Variants in HTR3E observed in about 807,000 individuals in gnomAD.
HTR3E encodes the protein 5-hydroxytryptamine (serotonin) receptor 3, family member E.
Under a neutral mutation model 38.0 loss-of-function variants are expected in HTR3E, and 38 were observed. The observed-to-expected ratio is 1.00, with a 90% CI of 0.77 to 1.31. HTR3E has a LOEUF of 1.31. Among genes scored for constraint, HTR3E ranks in the 50% most tolerant of loss-of-function variants. The pLI is 0.00. For missense variants in HTR3E, 547 were observed against 585.2 expected (o/e 0.93, Z 0.67); for synonymous variants, 210 against 232.9 (o/e 0.90, Z 0.89).
chr3:184,101,435 A>G, intron 2 of HTR3E, 50 bp from the exon 3 acceptor site: 1 of 1,525,676 alleles, frequency 6.6e-7, no homozygotes, highest in South Asian at 1.1e-5. Flanking sequence ...GGGGAGATGG[A>G]ACAGACTTCT....
In HTR3E at chr3:184,105,764, G is replaced by A; in HGVS notation, c.721-1G>A. ...CTTACCACCCTCTCCTACCCCACCAGGTGGCCATCAGGCGCAGGCCCAGTC... is the reference window on the plus strand; with the variant it reads ...CTTACCACCCTCTCCTACCCCACCAAGTGGCCATCAGGCGCAGGCCCAGTC... On this transcript the variant is annotated splice_acceptor_variant, in intron 6 of 8. Coordinates refer to ENST00000415389, the MANE Select transcript of HTR3E (RefSeq NM_001256613.2). LOFTEE classifies it high-confidence loss of function. 4 of 1,612,724 alleles carry A rather than the reference G, an allele frequency of 2.5e-6. No homozygotes were observed. The highest frequency in any genetic ancestry group is 3.4e-6 in the Non-Finnish European group (4 of 1,178,788).
At position 184,105,374 on chromosome 3, in the gene HTR3E, G is replaced by GC. The variant is rs556862324; in HGVS notation, c.669dup (p.Thr224HisfsTer12). ...ATGGGAGCTCCTGGGCCTCAGCAAGGCCACCGCAAAGTTGTCCAGGGGAGG... is the reference window on the plus strand; with the variant it reads ...ATGGGAGCTCCTGGGCCTCAGCAAGGCCCACCGCAAAGTTGTCCAGGGGAGG... On this transcript the variant is annotated frameshift_variant, in exon 6 of 9. Transcript: ENST00000415389. LOFTEE classifies it high-confidence loss of function. 2.5e-4 allele frequency: 408 copies of GC among 1,614,122 alleles called. 4 individuals carry two copies. In the South Asian group the frequency reaches 4.2e-3, roughly 17 times the overall value.
At chr3:184,101,658 G>A (rs1577009498) in intron 3 of HTR3E, 129 bp downstream of exon 3, 4 of 810,754 alleles carry the variant, frequency 4.9e-6, no homozygotes, top group South Asian at 1.5e-5. Flanking sequence ...TTGAAAAATC[G>A]ACCATAATGG....
intron 3 of HTR3E, 29 bp downstream of exon 3, chr3:184,101,558 C>T: frequency 6.5e-7 from 1 of 1,546,900 alleles, no homozygotes; most frequent in Non-Finnish European, 8.9e-7. Context: ...TCTCTCCCTA[C>T]AGTTACAGTC....
Position 184,105,836 on chromosome 3 carries a change from C to A in HTR3E, c.792C>A (p.Ile264=). Residue 264 remains isoleucine (I), a synonymous_variant, in exon 7 of 9, where the codon ATC becomes ATA. Transcript: ENST00000415389. ...LLVPSGFLVA[I]DALSFYLPVK... is the part of the protein sequence containing the mutation. ...TGCCCAGTGGCTTTCTGGTTGCCAT[C>A]GATGCCCTCAGCTTCTACCTGCCAG... The A allele has an allele frequency of 6.2e-7, 1 of 1,614,146 alleles. No individual in the cohort carries two copies. Among genetic ancestry groups the A allele is most frequent in the East Asian group, 2.2e-5 (1 of 44,878 alleles).
chr3:184,103,890 A>G (rs1712239183), intron 3 of HTR3E, among the ~76,000 whole-genome samples: 1 of 152,066 alleles, frequency 6.6e-6, no homozygotes, highest in Non-Finnish European at 1.5e-5. Flanking sequence ...AGATAATACA[A>G]TCATCTAACC....
rs146292777 is a variant in HTR3E, at chr3:184,097,902, G to A, written c.67+306G>A. The stretch of plus-strand genomic sequence containing the variant: ...TTTCCCAATACTACTTGAAAAGTCT[G>A]TCTTTTCTCCATTGGTACCCTACAT... On this transcript the variant is annotated intron_variant, in intron 1 of 8. Transcript: ENST00000415389. 3.3e-3 allele frequency among the ~76,000 whole-genome samples: 509 copies of A among 152,284 alleles called. 2 individuals carry two copies. Among genetic ancestry groups the A allele is most frequent in the African/African-American group, 0.012 (494 of 41,548 alleles).
intron 5 of HTR3E, 155 bp from the exon 6 acceptor site, chr3:184,105,112 G>C (rs1031772122): frequency 3.0e-5 from 35 of 1,160,342 alleles, no homozygotes; most frequent in Non-Finnish European, 4.2e-5. Flanking sequence ...ACCCAAGTCT[G>C]TCTTGTTCCT....
rs748668360 is a variant in HTR3E at position 184,100,536 on chromosome 3, C to T, written c.119C>T (p.Ala40Val). ...INCSGFGQHG[A>V]DPTALNSVFN... ...TGCTCAGGGTTTGGCCAGCACGGGG[C>T]GGATCCCACTGCTCTGAATTCAGTG... Residue 40 changes from alanine to valine, a missense_variant, in exon 2 of 9, where the codon GCG becomes GTG. By Grantham distance (64) the Ala-to-Val change is moderately conservative. Transcript: ENST00000415389. The T allele has an allele frequency of 1.9e-6, 3 of 1,614,138 alleles. No individual in the cohort carries two copies. In the South Asian group the frequency reaches 3.3e-5, roughly 18 times the overall value.
chr3:184,103,083 A>C (rs1201119832), intron 3 of HTR3E, among the ~76,000 whole-genome samples: 1 of 152,240 alleles, frequency 6.6e-6, no homozygotes, highest in Non-Finnish European at 1.5e-5. Context: ...TAGTCAAAGC[A>C]TAACCCAGTG....
chr3:184,106,251 T>C lies in HTR3E; in HGVS notation c.1049T>C (p.Leu350Pro), dbSNP rs1712446166. Residue 350 changes from leucine (L) to proline (P), a missense_variant, in exon 8 of 9, where the codon CTG (leucine) becomes CCG (proline). Physicochemically the swap from Leu to Pro is moderately conservative, Grantham distance 98. Coordinates refer to ENST00000415389, the MANE Select transcript of HTR3E (RefSeq NM_001256613.2). The surrounding 1 kb of genome is among the most constrained non-coding windows in gnomAD (Gnocchi z 4.1). ...CCCCTGCCTCGGTGGCTCCACTCCCTGCTGCTCCACTGCAACAGCCCGGGG... is the reference window on the plus strand; with the variant it reads ...CCCCTGCCTCGGTGGCTCCACTCCCCGCTGCTCCACTGCAACAGCCCGGGG... ...PPPLPRWLHSLLLHCNSPGRC... is the reference protein window; with the variant it reads ...PPPLPRWLHSPLLHCNSPGRC... The C allele has an allele frequency of 6.2e-7, 1 of 1,612,682 alleles. No individual in the cohort carries two copies. The highest frequency in any genetic ancestry group is 8.5e-7 in the Non-Finnish European group (1 of 1,179,898).
intron 1 of HTR3E, chr3:184,100,192 TTCTGCCTTTTA>T (rs1188619835): frequency 4.2e-6 from 6 of 1,421,538 alleles, no homozygotes; most frequent in Non-Finnish European, 5.5e-6. Flanking sequence ...CAAGTCCGGC[TTCTGCCTTTTA>T]TTGGCTGTCT....
At position 184,105,872 on chromosome 3, in the gene HTR3E, G is replaced by A. The variant is rs1218821411; in HGVS notation, c.828G>A (p.Gly276=). ...ALSFYLPVKS[G]NRVPFKITLL... is the part of the protein sequence containing the mutation. ...GCTTCTACCTGCCAGTGAAAAGTGG[G>A]AATCGTGTCCCATTCAAGATAACGC... Residue 276 remains glycine, a synonymous_variant, in exon 7 of 9, where the codon GGG becomes GGA. Coordinates refer to ENST00000415389, the MANE Select transcript of HTR3E (RefSeq NM_001256613.2). 3 of 1,613,980 alleles carry A rather than the reference G, an allele frequency of 1.9e-6. No homozygotes were observed. Among genetic ancestry groups the A allele is most frequent in the Non-Finnish European group, 2.5e-6 (3 of 1,180,042 alleles).
intron 3 of HTR3E, among the ~76,000 whole-genome samples, chr3:184,102,769 C>A (rs1487912247): frequency 6.6e-6 from 1 of 151,226 alleles, no homozygotes; most frequent in Non-Finnish European, 1.5e-5. Flanking sequence ...TACTAAAATA[C>A]AAAAAATTAG....
In HTR3E at chr3:184,097,561, T is replaced by C. The variant is rs1711729695; in HGVS notation, c.32T>C (p.Phe11Ser). 6.5e-7 allele frequency: 1 copy of C among 1,535,902 alleles called. No homozygotes were observed. The highest frequency in any genetic ancestry group is 8.7e-7 in the Non-Finnish European group (1 of 1,146,830). MEGSWFHRKR[F>S]SFYLLLGFLL... ...GGAAGCTGGTTCCACAGGAAAAGAT[T>C]TTCCTTCTACCTCCTTCTCGGTTTT... The change falls in exon 1 of 9, where the codon TTT becomes TCT. Residue 11 changes from phenylalanine to serine, a missense_variant. Transcript: ENST00000415389.
rs559752708 is a variant in HTR3E at position 184,100,834 on chromosome 3, A to T, written c.234+183A>T. ...GCAGCAGGGTGAGGTATAACAGCAC[A>T]TGGAAGAGAATCTTTTCTTCTCTCT... On this transcript the variant is annotated intron_variant, in intron 2 of 8. Transcript: ENST00000415389. 7.2e-5 allele frequency among the ~76,000 whole-genome samples: 11 copies of T among 152,300 alleles called. No homozygotes were observed. In the East Asian group the frequency reaches 1.9e-3, roughly 27 times the overall value.
intron 3 of HTR3E, among the ~76,000 whole-genome samples, chr3:184,101,862 C>T (rs564127082): frequency 5.3e-5 from 8 of 152,244 alleles, no homozygotes; most frequent in East Asian, 1.9e-4. Context: ...TGGTGGCGGG[C>T]GCCTGTAATC....
At chr3:184,105,215 C>A in intron 5 of HTR3E, 52 bp from the exon 6 acceptor site, 1 of 1,536,722 alleles carries the variant, frequency 6.5e-7, no homozygotes, top group Non-Finnish European at 8.8e-7. Context: ...TGCAGTTGAG[C>A]CACCAGGAAA....
intron 5 of HTR3E, 43 bp downstream of exon 5, chr3:184,104,999 A>G (rs1443731254): frequency 1.9e-6 from 3 of 1,552,502 alleles, no homozygotes. Flanking sequence ...AATGAGAGCA[A>G]CCAACAAATA....
Sources: allele counts gnomAD v4.1 joint callset (sites outside exome capture counted in the v4.1 genomes callset), GRCh38; gene constraint gnomAD v4.1.1; non-coding constraint Gnocchi (gnomAD v3.1); transcripts MANE v1.5; gene names NCBI Gene and HGNC (gene_info 2026-07-23, HGNC 2026-07-21).